Variants in NR6A1 observed in about 807,000 individuals in gnomAD.
NR6A1 encodes retinoic acid receptor-related testis-associated receptor.
NR6A1 carries 7 observed loss-of-function variants against 59.1 expected under a neutral mutation model. The observed-to-expected ratio is 0.12, with a 90% CI of 0.07 to 0.22. The LOEUF is 0.22. NR6A1 is among the 10% of genes least tolerant of loss of function. The pLI, the probability that NR6A1 is intolerant of heterozygous loss-of-function variation, is 1.00. For missense variants in NR6A1, 468 were observed against 611.6 expected (o/e 0.77, Z 2.48); for synonymous variants, 243 against 236.1 (o/e 1.03, Z -0.27).
At chr9:124,617,090 A>T (rs1293787161) in intron 2 of NR6A1, among the ~76,000 whole-genome samples, 1 of 152,216 alleles carries the variant, frequency 6.6e-6, no homozygotes, top group African/African-American at 2.4e-5. Context: ...GCCAAGATGG[A>T]GAGATGGGTA....
chr9:124,738,295 C>T (rs565140721), intron 1 of NR6A1, among the ~76,000 whole-genome samples: 13 of 152,052 alleles, frequency 8.5e-5, no homozygotes, highest in Admixed American at 2.6e-4. Context: ...TCTTAAGCTT[C>T]ATAAATAAAC....
At chr9:124,722,265 G>T (rs141928078) in intron 2 of NR6A1, among the ~76,000 whole-genome samples, 1 of 152,052 alleles carries the variant, frequency 6.6e-6, no homozygotes, top group Non-Finnish European at 1.5e-5. Flanking sequence ...CTGAATATAC[G>T]CAAAGTGCCT....
chr9:124,589,429 G>A (rs970145318), intron 2 of NR6A1, among the ~76,000 whole-genome samples: 2 of 152,168 alleles, frequency 1.3e-5, no homozygotes, highest in Non-Finnish European at 2.9e-5. Flanking sequence ...CTGGGCGAAA[G>A]AGCGAGACTC....
chr9:124,739,610 A>G (rs757375600), intron 1 of NR6A1, among the ~76,000 whole-genome samples: 5 of 152,226 alleles, frequency 3.3e-5, no homozygotes, highest in Non-Finnish European at 5.9e-5. Context: ...GTGCACCACC[A>G]CACATTTGAC....
At chr9:124,602,548 T>TA (rs1266071907) in intron 2 of NR6A1, among the ~76,000 whole-genome samples, 2 of 152,246 alleles carry the variant, frequency 1.3e-5, no homozygotes, top group African/African-American at 4.8e-5. Context: ...TTGGTGCTCC[T>TA]ATAAAGGTAG....
At chr9:124,607,164 G>C (rs1227786726) in intron 2 of NR6A1, 1 of 152,190 alleles carries the variant, frequency 6.6e-6, no homozygotes, top group East Asian at 1.9e-4. Flanking sequence ...AATAAGCTGG[G>C]CATGGTGGCA....
At chr9:124,628,950 G>GC (rs774480722) in intron 2 of NR6A1, among the ~76,000 whole-genome samples, 1 of 152,090 alleles carries the variant, frequency 6.6e-6, no homozygotes, top group Admixed American at 6.6e-5. Context: ...GCGAGCCACC[G>GC]CCCCCGGCCC....
chr9:124,618,717 C>T (rs1463622879), intron 2 of NR6A1, among the ~76,000 whole-genome samples: 1 of 152,040 alleles, frequency 6.6e-6, no homozygotes, highest in Non-Finnish European at 1.5e-5. Flanking sequence ...TATCAAGAGG[C>T]GAGACACAAC....
intron 2 of NR6A1, among the ~76,000 whole-genome samples, chr9:124,649,543 T>C (rs942058131): frequency 6.6e-6 from 1 of 152,302 alleles, no homozygotes; most frequent in African/African-American, 2.4e-5. Context: ...GACACGGGTC[T>C]GGCAAAGATT....
At position 124,771,280 on chromosome 9, in the gene NR6A1, C is replaced by G. The variant is rs950293113; in HGVS notation, c.-161G>C. The G allele has an allele frequency of 2.5e-6, 1 of 392,336 alleles. No individual in the cohort carries two copies. The highest frequency in any genetic ancestry group is 2.1e-5 in the African/African-American group (1 of 46,936). The allele number at this position is 392,336 out of a possible 1,614,324, so 24.3% of individuals were successfully genotyped here. On this transcript the variant is annotated 5_prime_UTR_variant, in exon 1 of 10. Transcript: ENST00000487099. ...CGAGCCGCCCGGCTCCGCGCCGCTCCGCGCCCCTCCGCGCCGCGCCCCCTC... is the reference window on the plus strand; with the variant it reads ...CGAGCCGCCCGGCTCCGCGCCGCTCGGCGCCCCTCCGCGCCGCGCCCCCTC...
intron 1 of NR6A1, among the ~76,000 whole-genome samples, chr9:124,745,346 A>C (rs2131157991): frequency 6.6e-6 from 1 of 152,242 alleles, no homozygotes; most frequent in South Asian, 2.1e-4. Context: ...TTCTGATTAA[A>C]ATATATTGTT....
intron 2 of NR6A1, among the ~76,000 whole-genome samples, chr9:124,635,618 T>C (rs922297627): frequency 2.0e-5 from 3 of 152,212 alleles, no homozygotes; most frequent in African/African-American, 7.2e-5. Context: ...CAGACTCATA[T>C]AGTATGTAGC....
rs576949216 is a variant in NR6A1 at position 124,654,547 on chromosome 9, A to G, written c.142+78761T>C. ...AGCTCTTGCATTTCTTGTTGCCACT[A>G]CCCAGTTCATTCTTCTGGCTCTTTG... On this transcript the variant is annotated intron_variant, in intron 2 of 9. Transcript: ENST00000487099. Among the ~76,000 whole-genome samples the G allele has an allele frequency of 2.0e-5, 3 of 152,038 alleles. No homozygotes were observed. The South Asian group carries it at 6.2e-4, about 32-fold the overall frequency.
intron 2 of NR6A1, among the ~76,000 whole-genome samples, chr9:124,709,653 ACCAGGTG>A: frequency 6.6e-6 from 1 of 152,078 alleles, no homozygotes; most frequent in African/African-American, 2.4e-5. Context: ...ATACTTTTGC[ACCAGGTG>A]GGTTGGCGCA....
intron 2 of NR6A1, among the ~76,000 whole-genome samples, chr9:124,588,813 G>T (rs1178259904): frequency 6.7e-6 from 1 of 150,000 alleles, no homozygotes; most frequent in Non-Finnish European, 1.5e-5. Context: ...CCAGCTACTC[G>T]GGAGGCTGAG....
chr9:124,572,829 G>C (rs1447702098), intron 2 of NR6A1, among the ~76,000 whole-genome samples: 1 of 152,116 alleles, frequency 6.6e-6, no homozygotes, highest in African/African-American at 2.4e-5. Flanking sequence ...CTTTTCCAAG[G>C]TCTGAGGAAA....
intron 2 of NR6A1, among the ~76,000 whole-genome samples, chr9:124,704,067 AG>A (rs1839048589): frequency 6.6e-6 from 1 of 152,118 alleles, no homozygotes. Flanking sequence ...AACTGTTATA[AG>A]GTCTCATTTT....
intron 2 of NR6A1, among the ~76,000 whole-genome samples, chr9:124,564,681 C>CTG (rs56301413): frequency 0.04 from 5,933 of 149,352 alleles, 285 homozygotes; most frequent in African/African-American, 0.11. Flanking sequence ...AATCCACACT[C>CTG]TGTGTGTGTG....
intron 2 of NR6A1, among the ~76,000 whole-genome samples, chr9:124,647,562 T>C (rs1769222391): frequency 2.6e-5 from 4 of 151,294 alleles, no homozygotes; most frequent in South Asian, 2.1e-4. Context: ...ACCCCATCTG[T>C]ACTAAAAATA....
Sources: gnomAD v4.1 joint callset for allele counts (sites outside exome capture counted in the v4.1 genomes callset) on GRCh38, gnomAD v4.1.1 for gene constraint, MANE v1.5 for transcripts, NCBI Gene and HGNC (gene_info 2026-07-23, HGNC 2026-07-21) for gene names.